Variants in ARMC1 observed in about 807,000 individuals in gnomAD.
ARMC1 encodes the protein armadillo repeat containing 1.
A neutral mutation model predicts 31.4 loss-of-function variants in ARMC1; 16 were observed. That is an observed-to-expected ratio of 0.51 (90% CI 0.34 to 0.77). ARMC1 has a LOEUF of 0.77. Ranked by LOEUF, ARMC1 falls within the 30% of genes least tolerant of loss-of-function variation. The probability of loss-of-function intolerance (pLI) is 0.01; values close to 1 mark genes in which losing one functional copy is unlikely to be tolerated. For synonymous variants in ARMC1, 114 were observed against 118.9 expected (o/e 0.96, Z 0.27); for missense variants, 259 against 347.5 (o/e 0.75, Z 2.02).
intron 3 of ARMC1, among the ~76,000 whole-genome samples, chr8:65,616,400 G>A (rs1053423773): frequency 6.6e-6 from 1 of 152,246 alleles, no homozygotes; most frequent in African/African-American, 2.4e-5. Context: ...CTCCCGAGGT[G>A]CCGGGATGGC....
chr8:65,622,322 G>C lies in ARMC1; in HGVS notation c.216C>G (p.Asn72Lys). Reference protein sequence around the residue: ...ALRYLAECRANREKMKGELGM... With the variant: ...ALRYLAECRAKREKMKGELGM... ...CCAGTTCTCCTTTCATCTTTTCTCTGTTTGCACGGCATTCTGCCAAGTATC... is the reference window on the plus strand; with the variant it reads ...CCAGTTCTCCTTTCATCTTTTCTCTCTTTGCACGGCATTCTGCCAAGTATC... Residue 72 changes from asparagine to lysine, a missense_variant, in exon 3 of 7, where the codon AAC (asparagine) becomes AAG (lysine). Coordinates refer to ENST00000276569, the MANE Select transcript of ARMC1 (RefSeq NM_018120.6). 6.2e-7 allele frequency: 1 copy of C among 1,614,068 alleles called. No individual in the cohort carries two copies. Among genetic ancestry groups the C allele is most frequent in the Non-Finnish European group, 8.5e-7 (1 of 1,179,974 alleles).
At chr8:65,618,052 A>C (rs1457719890) in intron 3 of ARMC1, among the ~76,000 whole-genome samples, 1 of 152,084 alleles carries the variant, frequency 6.6e-6, no homozygotes, top group East Asian at 2.0e-4. Context: ...AGTAGCTGGG[A>C]TTACAGGTAC....
chr8:65,617,573 C>A (rs1808298808), intron 3 of ARMC1, among the ~76,000 whole-genome samples: 1 of 151,956 alleles, frequency 6.6e-6, no homozygotes, highest in Non-Finnish European at 1.5e-5. Flanking sequence ...GTCCTCTGAC[C>A]CTGCCAAATC....
Position 65,604,467 on chromosome 8 carries a change from C to T in ARMC1, c.776G>A (p.Gly259Asp), listed in dbSNP as rs139310924. 10 of 1,614,034 alleles carry T rather than the reference C, an allele frequency of 6.2e-6. No individual in the cohort carries two copies. The African/African-American group carries it at 8.0e-5, about 13-fold the overall frequency. Residue 259 changes from glycine (G) to aspartate (D), a missense_variant, in exon 7 of 7, where the codon GGC becomes GAC. Physicochemically the swap from Gly to Asp is moderately conservative, Grantham distance 94. Transcript: ENST00000276569. ...GCTAGCTCCACCTTCTGGGTGTGAG[C>T]CGACCCGGGACACCGCTTTGTCCTG... Reference protein sequence around the residue: ...KEQDKAVSRVGSHPEGGASWL... With the variant: ...KEQDKAVSRVDSHPEGGASWL...
intron 2 of ARMC1, among the ~76,000 whole-genome samples, chr8:65,624,913 G>A (rs971248119): frequency 2.0e-5 from 3 of 152,196 alleles, no homozygotes; most frequent in Non-Finnish European, 2.9e-5. Context: ...CTGAGGTCAT[G>A]AGTTCGAGAC....
intron 1 of ARMC1, among the ~76,000 whole-genome samples, chr8:65,632,205 CA>C (rs1443819743): frequency 6.6e-6 from 1 of 151,974 alleles, no homozygotes; most frequent in Non-Finnish European, 1.5e-5. Flanking sequence ...TTGGGAGGCC[CA>C]GGGGGGTGGA....
intron 4 of ARMC1, among the ~76,000 whole-genome samples, chr8:65,611,845 C>T (rs1808148995): frequency 6.6e-6 from 1 of 151,556 alleles, no homozygotes; most frequent in Admixed American, 6.6e-5. Context: ...GTGATCTCAG[C>T]TCACCACAAC....
chr8:65,610,357 A>G (rs1808108034), intron 4 of ARMC1, among the ~76,000 whole-genome samples: 1 of 151,148 alleles, frequency 6.6e-6, no homozygotes, highest in East Asian at 2.0e-4. Context: ...TCGGCCTCCC[A>G]AAGTGCTGGG....
chr8:65,607,991 T>C (rs1411257414), intron 4 of ARMC1, among the ~76,000 whole-genome samples: 1 of 152,154 alleles, frequency 6.6e-6, no homozygotes, highest in African/African-American at 2.4e-5. Flanking sequence ...TAAAACTACT[T>C]TTCTCCTTTT....
chr8:65,609,363 C>T (rs1185286944), intron 4 of ARMC1, among the ~76,000 whole-genome samples: 1 of 152,124 alleles, frequency 6.6e-6, no homozygotes, highest in Non-Finnish European at 1.5e-5. Context: ...TAAAATTAAA[C>T]ACATGGTATT....
intron 3 of ARMC1, among the ~76,000 whole-genome samples, chr8:65,619,705 C>T (rs1235601825): frequency 2.6e-5 from 4 of 151,712 alleles, no homozygotes; most frequent in Non-Finnish European, 5.9e-5. Context: ...AAAATTAGGC[C>T]AGGCGCAGTG....
chr8:65,629,882 T>C (rs1488698476), intron 1 of ARMC1, among the ~76,000 whole-genome samples: 1 of 151,070 alleles, frequency 6.6e-6, no homozygotes, highest in African/African-American at 2.4e-5. Context: ...TGGTGACTTA[T>C]GCCTGTAATC....
At position 65,617,171 on chromosome 8, in the gene ARMC1, C is replaced by T. The variant is rs187389581; in HGVS notation, c.276-3738G>A. 1.7e-3 allele frequency among the ~76,000 whole-genome samples: 261 copies of T among 152,198 alleles called. 1 individual carries two copies. The highest frequency in any genetic ancestry group is 5.5e-3 in the African/African-American group (227 of 41,508). On this transcript the variant is annotated intron_variant, in intron 3 of 6. Coordinates refer to ENST00000276569, the MANE Select transcript of ARMC1 (RefSeq NM_018120.6). ...GCCATGATGACGATGGCGGTTTTGT[C>T]GAATAGAAAAGGGGGAATGTGGGGA...
At chr8:65,613,113 T>C in intron 4 of ARMC1, 131 bp downstream of exon 4, 1 of 639,646 alleles carries the variant, frequency 1.6e-6, no homozygotes, top group Non-Finnish European at 2.5e-6. Context: ...AACTGACCTC[T>C]TTAGCACAAA....
intron 3 of ARMC1, among the ~76,000 whole-genome samples, chr8:65,619,079 C>G (rs1808338062): frequency 6.6e-6 from 1 of 152,060 alleles, no homozygotes; most frequent in South Asian, 2.1e-4. Context: ...AAGGCAACTG[C>G]TGGTAAAAGC....
intron 4 of ARMC1, among the ~76,000 whole-genome samples, chr8:65,609,461 C>T (rs1382786805): frequency 1.3e-5 from 2 of 152,192 alleles, no homozygotes; most frequent in Admixed American, 6.5e-5. Flanking sequence ...TGTGACCCCA[C>T]TTCCAGTAAG....
At chr8:65,616,935 G>A (rs1376210731) in intron 3 of ARMC1, among the ~76,000 whole-genome samples, 2 of 150,138 alleles carry the variant, frequency 1.3e-5, no homozygotes, top group Non-Finnish European at 3.0e-5. Flanking sequence ...CCCTCCGCCC[G>A]GCAGCTGCCC....
intron 2 of ARMC1, among the ~76,000 whole-genome samples, chr8:65,625,552 T>G (rs967387447): frequency 2.0e-5 from 3 of 152,216 alleles, no homozygotes; most frequent in African/African-American, 7.2e-5. Context: ...CTAGTCTATT[T>G]AAAAATAAAA....
chr8:65,621,557 A>G (rs1808393713), intron 3 of ARMC1, among the ~76,000 whole-genome samples: 1 of 152,208 alleles, frequency 6.6e-6, no homozygotes, highest in African/African-American at 2.4e-5. Context: ...TGCCCAGGCT[A>G]GAGTGCAGTG....
Sources: allele counts gnomAD v4.1 joint callset (sites outside exome capture counted in the v4.1 genomes callset), GRCh38; gene constraint gnomAD v4.1.1; transcripts MANE v1.5; gene names NCBI Gene and HGNC (gene_info 2026-07-23, HGNC 2026-07-21).